The following FANK1 variants were observed in gnomAD, a reference collection of about 807,000 sequenced individuals.
The protein encoded by FANK1 is fibronectin type 3 and ankyrin repeat domains protein 1.
In FANK1, 44 loss-of-function variants were observed where a neutral mutation model predicts 45.3. The observed-to-expected ratio is 0.97, with a 90% CI of 0.76 to 1.25. The LOEUF (loss-of-function observed/expected upper bound fraction) is 1.25. Among genes scored for constraint, FANK1 ranks in the 50% most tolerant of loss-of-function variants. The pLI is 0.00. For missense variants in FANK1, 391 were observed against 424.4 expected (o/e 0.92, Z 0.69); for synonymous variants, 149 against 152.5 (o/e 0.98, Z 0.17).
chr10:125,942,720 T>C (rs1948528908), intron 1 of FANK1, among the ~76,000 whole-genome samples: 1 of 152,162 alleles, frequency 6.6e-6, no homozygotes, highest in African/African-American at 2.4e-5. Context: ...ACTAACTGAA[T>C]TATCAAATCT....
At chr10:125,953,078 A>G (rs1949357348) in intron 1 of FANK1, among the ~76,000 whole-genome samples, 1 of 152,212 alleles carries the variant, frequency 6.6e-6, no homozygotes, top group African/African-American at 2.4e-5. Context: ...GTCTGTTAAC[A>G]CGTGAAATGC....
In FANK1 at chr10:126,009,510, A is replaced by C. The variant is rs1042893391; in HGVS notation, c.*72A>C. On this transcript the variant is annotated 3_prime_UTR_variant, in exon 11 of 11. Coordinates refer to ENST00000368693, the MANE Select transcript of FANK1 (RefSeq NM_145235.5). The stretch of plus-strand genomic sequence containing the variant: ...GTGACTGTTAAACTAGGGATGGGAA[A>C]TTCTGCATCTTGGGGGGCTGTACAT... 8 of 1,508,766 alleles carry C rather than the reference A, an allele frequency of 5.3e-6. No individual in the cohort carries two copies. In the Admixed American group the frequency reaches 5.4e-5, roughly 10 times the overall value. 93.5% of individuals were successfully genotyped at this position (1,508,766 alleles called of 1,614,324 possible). A position where few individuals can be genotyped will look rare whatever the true frequency, so the allele number is the denominator to read the frequency against.
intron 1 of FANK1, among the ~76,000 whole-genome samples, chr10:125,970,006 A>G (rs1950397058): frequency 6.6e-6 from 1 of 152,212 alleles, no homozygotes; most frequent in African/African-American, 2.4e-5. Context: ...AACGAAATGG[A>G]GTCTCCTATG....
At chr10:125,989,482 T>C (rs1447864600) in intron 3 of FANK1, 6 of 916,536 alleles carry the variant, frequency 6.5e-6, no homozygotes, top group Admixed American at 6.0e-5. Context: ...CTGTGTCCTT[T>C]AGGCATTTCT....
chr10:125,930,474 C>G (rs1395809575), intron 1 of FANK1, among the ~76,000 whole-genome samples: 6 of 151,712 alleles, frequency 4.0e-5, no homozygotes, highest in Non-Finnish European at 8.8e-5. Flanking sequence ...GCAGCTGGGA[C>G]AGCAGGCACA....
intron 1 of FANK1, among the ~76,000 whole-genome samples, chr10:125,961,354 C>T (rs1949917290): frequency 6.6e-6 from 1 of 152,152 alleles, no homozygotes; most frequent in African/African-American, 2.4e-5. Context: ...AAATGATTCT[C>T]CTGCCTTAGC....
At position 126,009,431 on chromosome 10, in the gene FANK1, T is replaced by C. The variant is rs981015746; in HGVS notation, c.1031T>C (p.Val344Ala). Residue 344 changes from valine (V) to alanine (A), a missense_variant, in exon 11 of 11, where the codon GTC (valine) becomes GCC (alanine). By Grantham distance (64) the Val-to-Ala change is moderately conservative. Coordinates refer to ENST00000368693, the MANE Select transcript of FANK1 (RefSeq NM_145235.5). ...KKKQRPKKSC[V>A]C ...AAGCAGAGGCCAAAGAAGTCTTGTG[T>C]CTGCTGATGAGAGCACCACTCATCT... The C allele has an allele frequency of 6.2e-7, 1 of 1,614,162 alleles. No individual in the cohort carries two copies. Among genetic ancestry groups the C allele is most frequent in the Non-Finnish European group, 8.5e-7 (1 of 1,180,034 alleles).
intron 1 of FANK1, among the ~76,000 whole-genome samples, chr10:125,979,573 T>C (rs2134200518): frequency 6.6e-6 from 1 of 152,368 alleles, no homozygotes; most frequent in East Asian, 1.9e-4. Context: ...TATAAAGTTA[T>C]ACCCCATTGT....
intron 2 of FANK1, among the ~76,000 whole-genome samples, chr10:125,984,934 T>C (rs1951456142): frequency 6.6e-6 from 1 of 152,228 alleles, no homozygotes; most frequent in Admixed American, 6.5e-5. Flanking sequence ...ACTGCTCTCA[T>C]GAGTCCTCCC....
At chr10:125,905,644 G>A (rs1188169312) in intron 1 of FANK1, among the ~76,000 whole-genome samples, 3 of 152,296 alleles carry the variant, frequency 2.0e-5, no homozygotes, top group African/African-American at 7.2e-5. Context: ...GTGAGGCCAT[G>A]TCTAATAATC....
At chr10:125,930,230 A>T (rs924737893) in intron 1 of FANK1, among the ~76,000 whole-genome samples, 5 of 151,410 alleles carry the variant, frequency 3.3e-5, no homozygotes, top group African/African-American at 1.2e-4. Context: ...TTTAATAGAG[A>T]TGGGGTTTCA....
chr10:125,916,250 TG>T (rs2134122000), intron 1 of FANK1, among the ~76,000 whole-genome samples: 1 of 152,184 alleles, frequency 6.6e-6, no homozygotes, highest in South Asian at 2.1e-4. Context: ...TTGGCCAGGA[TG>T]GTCTCGATCT....
intron 1 of FANK1, among the ~76,000 whole-genome samples, chr10:125,961,528 C>G (rs896046356): frequency 2.6e-5 from 4 of 152,124 alleles, no homozygotes; most frequent in Non-Finnish European, 5.9e-5. Flanking sequence ...TAGACCCTCA[C>G]CTCTCACCCT....
intron 1 of FANK1, among the ~76,000 whole-genome samples, chr10:125,924,806 C>CAAAAAAAA (rs58856642): frequency 2.8e-5 from 2 of 70,766 alleles, no homozygotes; most frequent in African/African-American, 4.3e-5. Context: ...GACCCCATCT[C>CAAAAAAAA]AAAAAAAAAA....
rs1590156032 is a variant in FANK1, at chr10:125,981,721, C to T, written c.191+1383C>T. 2.0e-5 allele frequency among the ~76,000 whole-genome samples: 3 copies of T among 152,074 alleles called. No individual in the cohort carries two copies. In the East Asian group the frequency reaches 5.8e-4, roughly 29 times the overall value. On this transcript the variant is annotated intron_variant, in intron 2 of 10. Coordinates refer to ENST00000368693, the MANE Select transcript of FANK1 (RefSeq NM_145235.5). Reference sequence around the variant, plus strand: ...TAAGAAAGAGTGATTGTACCTTTTCCCATTTCTCCCCTATGGTAACATCTT... The same window carrying T: ...TAAGAAAGAGTGATTGTACCTTTTCTCATTTCTCCCCTATGGTAACATCTT...
At chr10:125,997,272 G>A (rs1160927633) in intron 5 of FANK1, 148 bp from the exon 6 acceptor site, 1 of 510,186 alleles carries the variant, frequency 2.0e-6, no homozygotes, top group African/African-American at 2.0e-5. Context: ...ATGGTGCCTG[G>A]TTTTAAAACC....
At chr10:125,978,688 G>A (rs917075105) in intron 1 of FANK1, among the ~76,000 whole-genome samples, 2 of 152,132 alleles carry the variant, frequency 1.3e-5, no homozygotes, top group African/African-American at 2.4e-5. Flanking sequence ...AGCTAGAATG[G>A]CTAAGGTGCC....
At chr10:125,947,541 A>T in intron 1 of FANK1, among the ~76,000 whole-genome samples, 1 of 151,214 alleles carries the variant, frequency 6.6e-6, no homozygotes, top group Non-Finnish European at 1.5e-5. Context: ...TGGTAAAGGG[A>T]TCAATTCAAC....
chr10:125,993,770 A>G (rs1457263763), intron 3 of FANK1, among the ~76,000 whole-genome samples: 1 of 152,222 alleles, frequency 6.6e-6, no homozygotes, highest in Admixed American at 6.5e-5. Flanking sequence ...GTGTAGAATG[A>G]TGAAAAGGAA....
Sources: allele counts gnomAD v4.1 joint callset (sites outside exome capture counted in the v4.1 genomes callset), GRCh38; gene constraint gnomAD v4.1.1; transcripts MANE v1.5; gene names NCBI Gene and HGNC (gene_info 2026-07-23, HGNC 2026-07-21).